MSRA: variants seen among roughly 807,000 people sequenced by gnomAD.
The protein encoded by MSRA is mitochondrial peptide methionine sulfoxide reductase.
MSRA carries 54 observed loss-of-function variants against 31.3 expected under a neutral mutation model. That is an observed-to-expected ratio of 1.73 (90% CI 1.39 to 2.17). MSRA has a LOEUF of 2.17. MSRA is among the 30% of genes most tolerant of loss of function. The pLI is 0.00. For missense variants in MSRA, 507 were observed against 300.9 expected, an observed-to-expected ratio of 1.69 and a Z score of -5.07; for synonymous variants, 169 against 116.5, an observed-to-expected ratio of 1.45 and a Z score of -2.90.
chr8:10,158,474 T>C (rs527368757), intron 1 of MSRA, among the ~76,000 whole-genome samples: 72 of 152,346 alleles, frequency 4.7e-4, no homozygotes, highest in African/African-American at 1.6e-3. Flanking sequence ...AATCAGATAA[T>C]ATGTGGCCTA....
At chr8:10,309,982 C>T (rs1366511262) in intron 4 of MSRA, among the ~76,000 whole-genome samples, 1 of 152,194 alleles carries the variant, frequency 6.6e-6, no homozygotes, top group Non-Finnish European at 1.5e-5. Flanking sequence ...GGAGACAAAT[C>T]CTATTTTCCT....
intron 1 of MSRA, among the ~76,000 whole-genome samples, chr8:10,115,678 CAA>C (rs766290197): frequency 3.3e-5 from 5 of 152,100 alleles, no homozygotes; most frequent in African/African-American, 4.8e-5. Flanking sequence ...TCTGGGCAGA[CAA>C]GAGATTTCCA....
At chr8:10,179,063 A>T (rs746316590) in intron 1 of MSRA, among the ~76,000 whole-genome samples, 2 of 152,070 alleles carry the variant, frequency 1.3e-5, no homozygotes, top group Admixed American at 6.5e-5. Context: ...ATTTCTCACA[A>T]TCTCCCCCTT....
intron 1 of MSRA, among the ~76,000 whole-genome samples, chr8:10,148,646 T>G (rs1803373542): frequency 7.2e-6 from 1 of 138,756 alleles, no homozygotes; most frequent in Non-Finnish European, 1.6e-5. Flanking sequence ...GACTTCATCT[T>G]AAAAAAAAAA....
At chr8:10,108,351 G>A (rs1438593318) in intron 1 of MSRA, among the ~76,000 whole-genome samples, 1 of 152,110 alleles carries the variant, frequency 6.6e-6, no homozygotes, top group Non-Finnish European at 1.5e-5. Flanking sequence ...TTAGGTGGGA[G>A]GTACCACCCT....
chr8:10,187,342 T>C (rs1048592564), intron 1 of MSRA, among the ~76,000 whole-genome samples: 3 of 152,168 alleles, frequency 2.0e-5, no homozygotes, highest in African/African-American at 7.2e-5. Flanking sequence ...ATTTGTGGAA[T>C]TTGGAAAGAA....
chr8:10,267,664 A>C (rs1798816882), intron 3 of MSRA, among the ~76,000 whole-genome samples: 1 of 152,046 alleles, frequency 6.6e-6, no homozygotes, highest in South Asian at 2.1e-4. Context: ...GGAGCACCGG[A>C]GTTGGAGTCT....
intron 1 of MSRA, among the ~76,000 whole-genome samples, chr8:10,061,050 C>T (rs186358286): frequency 4.6e-5 from 7 of 152,254 alleles, no homozygotes; most frequent in Admixed American, 3.3e-4. Flanking sequence ...CTGCCCAGAG[C>T]TCTTTGATTT....
At chr8:10,425,233 C>T (rs138659402) in intron 5 of MSRA, among the ~76,000 whole-genome samples, 310 of 152,268 alleles carry the variant, frequency 2.0e-3, no homozygotes, top group Middle Eastern at 3.4e-3. Context: ...CACCTCTATC[C>T]GCCACCCGAC....
At chr8:10,343,570 CTCCTACA>C (rs1803578056) in intron 5 of MSRA, among the ~76,000 whole-genome samples, 1 of 152,192 alleles carries the variant, frequency 6.6e-6, no homozygotes. Context: ...CTTTAATTGT[CTCCTACA>C]TCAGTTCATG....
intron 1 of MSRA, among the ~76,000 whole-genome samples, chr8:10,171,591 A>AC: frequency 6.6e-6 from 1 of 152,212 alleles, no homozygotes; most frequent in Non-Finnish European, 1.5e-5. Flanking sequence ...TCCCTCAGTG[A>AC]CCAAGTTGCT....
At chr8:10,318,561 C>T (rs1000261701) in intron 4 of MSRA, among the ~76,000 whole-genome samples, 9 of 152,150 alleles carry the variant, frequency 5.9e-5, no homozygotes, top group African/African-American at 2.2e-4. Flanking sequence ...TAACATTTTT[C>T]TGTCCTATCT....
chr8:10,091,765 C>G (rs535802980), intron 1 of MSRA, among the ~76,000 whole-genome samples: 1 of 152,122 alleles, frequency 6.6e-6, no homozygotes, highest in Non-Finnish European at 1.5e-5. Context: ...TGCCACCACA[C>G]CCCGCTAATT....
chr8:10,425,096 T>G (rs775315259), intron 5 of MSRA, among the ~76,000 whole-genome samples: 21 of 152,194 alleles, frequency 1.4e-4, no homozygotes, highest in Non-Finnish European at 2.4e-4. Context: ...TCCCCTTCTT[T>G]CGCACCTAGT....
At chr8:10,166,037 G>C (rs1330687955) in intron 1 of MSRA, among the ~76,000 whole-genome samples, 2 of 152,138 alleles carry the variant, frequency 1.3e-5, no homozygotes, top group African/African-American at 4.8e-5. Context: ...ACCCAAGACC[G>C]TGTGGGCACA....
At chr8:10,186,538 G>A (rs1011739378) in intron 1 of MSRA, among the ~76,000 whole-genome samples, 13 of 152,184 alleles carry the variant, frequency 8.5e-5, no homozygotes, top group African/African-American at 2.9e-4. Flanking sequence ...CAGGAGGCAG[G>A]CTGGATATGG....
chr8:10,118,135 A>G (rs1430883832), intron 1 of MSRA, among the ~76,000 whole-genome samples: 2 of 152,156 alleles, frequency 1.3e-5, no homozygotes, highest in African/African-American at 2.4e-5. Context: ...GAGCTGGAGC[A>G]TTCACCGTGG....
intron 1 of MSRA, among the ~76,000 whole-genome samples, chr8:10,205,118 A>AGG (rs145143044): frequency 0.023 from 3,473 of 152,246 alleles, 128 homozygotes; most frequent in African/African-American, 0.078. Flanking sequence ...ATGCCATGGA[A>AGG]GGGGAGGAGG....
intron 1 of MSRA, among the ~76,000 whole-genome samples, chr8:10,176,912 A>C (rs559346886): frequency 6.6e-6 from 1 of 152,290 alleles, no homozygotes; most frequent in South Asian, 2.1e-4. Flanking sequence ...AAATGGCCCT[A>C]AATAATTTAG....
Sources: gnomAD v4.1 joint callset for allele counts (sites outside exome capture counted in the v4.1 genomes callset) on GRCh38, gnomAD v4.1.1 for gene constraint, MANE v1.5 for transcripts, NCBI Gene and HGNC (gene_info 2026-07-23, HGNC 2026-07-21) for gene names.